The following SCAMP4 variants were observed in gnomAD, a reference collection of about 807,000 sequenced individuals.
SCAMP4 encodes secretory carrier membrane protein 4.
In SCAMP4, 19 loss-of-function variants were observed where a neutral mutation model predicts 32.1. The ratio of observed to expected loss-of-function variants is 0.59; its 90% confidence interval spans 0.41 to 0.87. The LOEUF (loss-of-function observed/expected upper bound fraction) is 0.87, where lower values mean the gene tolerates loss of function less well. Ranked by LOEUF, SCAMP4 falls within the 40% of genes least tolerant of loss-of-function variation. The pLI, the probability that SCAMP4 is intolerant of heterozygous loss-of-function variation, is 0.00. For synonymous variants in SCAMP4, 152 were observed against 132.7 expected, an observed-to-expected ratio of 1.15 and a Z score of -1.00; for missense variants, 302 against 309.0, an observed-to-expected ratio of 0.98 and a Z score of 0.17.
In SCAMP4 at chr19:1,918,261, C is replaced by T. The variant is rs1404419141; in HGVS notation, c.271C>T (p.Arg91Trp). 1.1e-5 allele frequency: 17 copies of T among 1,606,444 alleles called. No individual in the cohort carries two copies. The highest frequency in any genetic ancestry group is 6.7e-5 in the Admixed American group (4 of 59,830). Residue 91 changes from arginine (R) to tryptophan (W), a missense_variant, in exon 4 of 7, where the codon CGG (arginine) becomes TGG (tryptophan). Arg to Trp is a moderately radical substitution (Grantham distance 101). Transcript: ENST00000316097. ...FTPCGYVCWF[R>W]PVYKAFRADS... Reference sequence around the variant, plus strand: ...GCCTTGCGGCTACGTGTGCTGGTTCCGGCCTGTCTACAAGGCCTTCCGGTG... The same window carrying T: ...GCCTTGCGGCTACGTGTGCTGGTTCTGGCCTGTCTACAAGGCCTTCCGGTG...
chr19:1,922,592 ATCCGCATTGC>A (rs2013954441), intron 5 of SCAMP4: 1 of 985,278 alleles, frequency 1.0e-6, no homozygotes, highest in African/African-American at 1.7e-5. Flanking sequence ...CAGATTTTCC[ATCCGCATTGC>A]TCCCGGACAT....
At chr19:1,918,307 T>C (rs748328240) in intron 4 of SCAMP4, 24 bp downstream of exon 4, 1 of 1,570,622 alleles carries the variant, frequency 6.4e-7, no homozygotes, top group Admixed American at 1.8e-5. Context: ...CCGGGGGCCG[T>C]CTGCACCCAG....
chr19:1,915,944 G>A (rs1412072233), intron 2 of SCAMP4, among the ~76,000 whole-genome samples: 15 of 136,630 alleles, frequency 1.1e-4, no homozygotes, highest in South Asian at 4.7e-4. Flanking sequence ...GACTGTCTCA[G>A]AAAAAAAAAA....
intron 1 of SCAMP4, chr19:1,912,328 TGCGGCCCAGCCGCGATGCCG>T: frequency 6.5e-7 from 1 of 1,538,268 alleles, no homozygotes; most frequent in Non-Finnish European, 8.7e-7. Context: ...CTCAAGCGGG[TGCGGCCCAGCCGCGATGCCG>T]GCAGCCCCCA....
At chr19:1,905,506 T>A in intron 1 of SCAMP4, 67 bp downstream of exon 1, 1 of 396,360 alleles carries the variant, frequency 2.5e-6, no homozygotes, top group Non-Finnish European at 5.4e-6. Context: ...GAGTAGGGGC[T>A]GACATGGGGG....
Position 1,905,405 on chromosome 19 carries a change from T to G in SCAMP4, c.-76T>G, listed in dbSNP as rs1424562340. On this transcript the variant is annotated 5_prime_UTR_variant, in exon 1 of 7. Transcript: ENST00000316097. ...TTGGGCCGGGCCGGTTGCTAAGACTTGGCGAAGCGCTGCGCTCGCGCCCGG... is the reference window on the plus strand; with the variant it reads ...TTGGGCCGGGCCGGTTGCTAAGACTGGGCGAAGCGCTGCGCTCGCGCCCGG... The G allele has an allele frequency of 8.6e-6, 4 of 464,146 alleles. No individual in the cohort carries two copies. The highest frequency in any genetic ancestry group is 6.3e-5 in the South Asian group (4 of 63,306). The allele number at this position is 464,146 out of a possible 1,614,324, so 28.8% of individuals were successfully genotyped here.
intron 5 of SCAMP4, chr19:1,922,809 T>G (rs1310645861): frequency 3.4e-6 from 4 of 1,169,476 alleles, no homozygotes; most frequent in African/African-American, 3.2e-5. Flanking sequence ...GGGATAAGGT[T>G]GTGTTCACGC....
In SCAMP4 at chr19:1,925,957, T is replaced by C. The variant is rs2014087795; in HGVS notation, c.*1673T>C. On this transcript the variant is annotated 3_prime_UTR_variant, in exon 7 of 7. Coordinates refer to ENST00000316097, the MANE Select transcript of SCAMP4 (RefSeq NM_079834.4). ...CCGTGTGTGGCCCCTCGCCGCATCGTTGGGGTTTTGTTATGTGAAAATATC... is the reference window on the plus strand; with the variant it reads ...CCGTGTGTGGCCCCTCGCCGCATCGCTGGGGTTTTGTTATGTGAAAATATC... 2.2e-5 allele frequency: 3 copies of C among 138,272 alleles called. No homozygotes were observed. The South Asian group carries it at 7.9e-4, about 36-fold the overall frequency. The allele number at this position is 138,272 out of a possible 1,614,324, so 8.6% of individuals were successfully genotyped here.
At chr19:1,914,368 C>G (rs2013655046) in intron 1 of SCAMP4, among the ~76,000 whole-genome samples, 1 of 152,056 alleles carries the variant, frequency 6.6e-6, no homozygotes. Context: ...CCCGTGCCCG[C>G]CCCCTCGGGC....
At chr19:1,912,837 G>T in intron 1 of SCAMP4, 3 of 1,592,824 alleles carry the variant, frequency 1.9e-6, no homozygotes, top group East Asian at 4.5e-5. Flanking sequence ...ACCCTTCCCC[G>T]CCTGCTCCTT....
rs748395027 is a variant in SCAMP4 at position 1,918,248 on chromosome 19, C to T, written c.258C>T (p.Tyr86=). Residue 86 remains tyrosine, a synonymous_variant, in exon 4 of 7, where the codon TAC becomes TAT. Transcript: ENST00000316097. ...TGCTCCTGTTCACGCCTTGCGGCTA[C>T]GTGTGCTGGTTCCGGCCTGTCTACA... The part of the protein sequence containing the change: ...VWLLLFTPCG[Y]VCWFRPVYKA... The T allele has an allele frequency of 1.1e-5, 17 of 1,608,772 alleles. No homozygotes were observed. The East Asian group carries it at 1.8e-4, about 17-fold the overall frequency.
chr19:1,916,186 C>T (rs545443042), intron 2 of SCAMP4, among the ~76,000 whole-genome samples: 7 of 150,670 alleles, frequency 4.6e-5, no homozygotes, highest in Non-Finnish European at 8.9e-5. Flanking sequence ...TGTGGTGAGC[C>T]GAGATCACGC....
chr19:1,910,790 T>C (rs1386107872), intron 1 of SCAMP4, among the ~76,000 whole-genome samples: 1 of 151,980 alleles, frequency 6.6e-6, no homozygotes, highest in African/African-American at 2.4e-5. Context: ...TTGGTCAGGC[T>C]GGTCTCGATC....
intron 1 of SCAMP4, among the ~76,000 whole-genome samples, chr19:1,909,271 A>G (rs1160908978): frequency 6.6e-6 from 1 of 152,132 alleles, no homozygotes; most frequent in Non-Finnish European, 1.5e-5. Flanking sequence ...TGGGAGCCAG[A>G]GGCGCTGTCC....
At chr19:1,916,038 GT>G (rs1302495442) in intron 2 of SCAMP4, among the ~76,000 whole-genome samples, 4 of 151,728 alleles carry the variant, frequency 2.6e-5, no homozygotes, top group Non-Finnish European at 5.9e-5. Context: ...GAGGTCAGGA[GT>G]TTGAGACCAG....
At chr19:1,919,434 GGCTGCC>G in intron 5 of SCAMP4, 21 of 985,238 alleles carry the variant, frequency 2.1e-5, no homozygotes, top group Non-Finnish European at 2.2e-5. Flanking sequence ...CACTCTCTAA[GGCTGCC>G]AGGTGCCCAG....
At chr19:1,919,509 T>C in intron 5 of SCAMP4, 1 of 968,862 alleles carries the variant, frequency 1.0e-6, no homozygotes, top group South Asian at 4.8e-5. Flanking sequence ...TTTTTTTTTT[T>C]TTTTTGAGAC....
Position 1,918,467 on chromosome 19 carries a change from T to G in SCAMP4, c.293+184T>G, listed in dbSNP as rs74518324. On this transcript the variant is annotated intron_variant, in intron 4 of 6. Coordinates refer to ENST00000316097, the MANE Select transcript of SCAMP4 (RefSeq NM_079834.4). ...CAACTACTGTCTGTTTTGTTTTGCT[T>G]TCTAGTAATTTTGGCTGGGTGCAGT... 5.5e-3 allele frequency among the ~76,000 whole-genome samples: 840 copies of G among 152,206 alleles called. 7 individuals carry two copies. The highest frequency in any genetic ancestry group is 0.019 in the African/African-American group (795 of 41,522).
Position 1,924,344 on chromosome 19 carries a change from C to T in SCAMP4, c.*60C>T, listed in dbSNP as rs565149784. The T allele has an allele frequency of 1.9e-5, 28 of 1,487,774 alleles. No individual in the cohort carries two copies. Among genetic ancestry groups the T allele is most frequent in the Non-Finnish European group, 2.4e-5 (27 of 1,104,322 alleles). The allele number at this position is 1,487,774 out of a possible 1,614,324, so 92.2% of individuals were successfully genotyped here. ...CCTCCCCTTCATTCCTGCTGCTACC[C>T]CTGGTCCCGAGGGCTGGGAGTACCT... On this transcript the variant is annotated 3_prime_UTR_variant, in exon 7 of 7. Coordinates refer to ENST00000316097, the MANE Select transcript of SCAMP4 (RefSeq NM_079834.4).
Sources: allele counts gnomAD v4.1 joint callset (sites outside exome capture counted in the v4.1 genomes callset), GRCh38; gene constraint gnomAD v4.1.1; transcripts MANE v1.5; gene names NCBI Gene and HGNC (gene_info 2026-07-23, HGNC 2026-07-21).